Variants in PCDHGA3 observed in about 807,000 individuals in gnomAD.
PCDHGA3 encodes protocadherin gamma subfamily A, 3, also known as protocadherin gamma-A3.
In PCDHGA3, 40 loss-of-function variants were observed where a neutral mutation model predicts 58.5. That is an observed-to-expected ratio of 0.68 (90% CI 0.53 to 0.89). The LOEUF (loss-of-function observed/expected upper bound fraction) is 0.89. Ranked by LOEUF, PCDHGA3 falls within the 40% of genes least tolerant of loss-of-function variation. The pLI, the probability that PCDHGA3 is intolerant of heterozygous loss-of-function variation, is 0.00. For synonymous variants in PCDHGA3, 530 were observed against 525.7 expected, an observed-to-expected ratio of 1.01 and a Z score of -0.11; for missense variants, 1,223 against 1,195.9, an observed-to-expected ratio of 1.02 and a Z score of -0.33.
At chr5:141,393,224 T>C in intron 1 of PCDHGA3, 1 of 1,613,670 alleles carries the variant, frequency 6.2e-7, no homozygotes, top group South Asian at 1.1e-5. Flanking sequence ...AGGTCGAAGA[T>C]CTAGAAGTAA....
At chr5:141,415,739 G>GTT (rs1561759437) in intron 1 of PCDHGA3, 11 of 435,132 alleles carry the variant, frequency 2.5e-5, no homozygotes, top group African/African-American at 1.6e-4. Flanking sequence ...TGTTTATTAA[G>GTT]GTTTTTTTTT....
chr5:141,384,186 TC>T (rs1369721575), intron 1 of PCDHGA3: 3 of 1,613,730 alleles, frequency 1.9e-6, no homozygotes, highest in Admixed American at 1.7e-5. Flanking sequence ...ATGGTGGAAC[TC>T]CTCCCTTGTC....
At chr5:141,419,762 A>G in intron 1 of PCDHGA3, 1 of 1,614,008 alleles carries the variant, frequency 6.2e-7, no homozygotes, top group Non-Finnish European at 8.5e-7. Context: ...TTTGGGTGAC[A>G]AGGACTCGGT....
intron 1 of PCDHGA3, among the ~76,000 whole-genome samples, chr5:141,407,049 C>T (rs1483952329): frequency 6.6e-6 from 1 of 152,162 alleles, no homozygotes. Context: ...TCCATAGATA[C>T]ACTGATGACT....
At chr5:141,420,029 G>T (rs1382842280) in intron 1 of PCDHGA3, 2 of 1,614,082 alleles carry the variant, frequency 1.2e-6, no homozygotes, top group Non-Finnish European at 1.7e-6. Flanking sequence ...CCCTACTGCA[G>T]GAGACTGCTT....
At chr5:141,460,488 T>C (rs1226287742) in intron 1 of PCDHGA3, among the ~76,000 whole-genome samples, 1 of 152,186 alleles carries the variant, frequency 6.6e-6, no homozygotes, top group Admixed American at 6.6e-5. Flanking sequence ...ATTGTCTCTT[T>C]GGAAAAATAT....
chr5:141,470,147 T>A (rs1394329530), intron 1 of PCDHGA3, among the ~76,000 whole-genome samples: 1 of 152,172 alleles, frequency 6.6e-6, no homozygotes. Context: ...AGATCATAGA[T>A]CATCTTATCA....
intron 1 of PCDHGA3, among the ~76,000 whole-genome samples, chr5:141,459,812 A>G (rs1390780491): frequency 1.3e-5 from 2 of 152,232 alleles, no homozygotes; most frequent in South Asian, 2.1e-4. Context: ...GACTAGAGAC[A>G]CTGAGCAACT....
At chr5:141,392,505 T>G (rs1271878225) in intron 1 of PCDHGA3, 1 of 227,850 alleles carries the variant, frequency 4.4e-6, no homozygotes, top group African/African-American at 2.3e-5. Flanking sequence ...ATGATTTTTT[T>G]TTCTCAGTAA....
chr5:141,426,998 A>C (rs981827933), intron 1 of PCDHGA3: 8 of 456,664 alleles, frequency 1.8e-5, no homozygotes, highest in African/African-American at 1.6e-4. Flanking sequence ...ATAATGCCCC[A>C]GTTTTTAGCC....
intron 1 of PCDHGA3, among the ~76,000 whole-genome samples, chr5:141,455,732 A>G (rs1056074268): frequency 6.6e-6 from 1 of 152,190 alleles, no homozygotes; most frequent in Non-Finnish European, 1.5e-5. Context: ...CTGCATTTGC[A>G]TATCAAAGGT....
rs369793035 is a variant in PCDHGA3, at chr5:141,408,762, A to T, written c.2424+62305A>T. 57 of 1,610,942 alleles carry T rather than the reference A, an allele frequency of 3.5e-5. No homozygotes were observed. The highest frequency in any genetic ancestry group is 4.6e-5 in the Non-Finnish European group (54 of 1,178,454). On this transcript the variant is annotated intron_variant, in intron 1 of 3. Transcript: ENST00000253812. ...TCATTAATGGTTAGAGTTAATTCCG[A>T]TGGTGGCAAATACCCAGAGTTATCT...
At chr5:141,427,776 G>T (rs3828681) in intron 1 of PCDHGA3, 8 of 1,424,704 alleles carry the variant, frequency 5.6e-6, no homozygotes, top group Non-Finnish European at 9.8e-7. Context: ...GGAGCTGCGG[G>T]CACTGTCGTC....
Position 141,491,531 on chromosome 5 carries a change from T to G in PCDHGA3, c.2425-3276T>G, listed in dbSNP as rs532897059. On this transcript the variant is annotated intron_variant, in intron 1 of 3. Coordinates refer to ENST00000253812, the MANE Select transcript of PCDHGA3 (RefSeq NM_018916.4). This position sits in a 1 kb window ranked among gnomAD's most constrained non-coding sequence, Gnocchi z 6.9. ...ACGCTCAAGTACATGGAGGTGACGC[T>G]GCGGCCCACAGACTCGCAGAGCCAC... The G allele has an allele frequency of 6.2e-7, 1 of 1,614,044 alleles. No homozygotes were observed. The highest frequency in any genetic ancestry group is 1.7e-5 in the Admixed American group (1 of 60,028).
intron 1 of PCDHGA3, chr5:141,418,727 C>T: frequency 6.2e-7 from 1 of 1,613,976 alleles, no homozygotes; most frequent in Non-Finnish European, 8.5e-7. Flanking sequence ...CAAAGCTCAG[C>T]ACGTGTTCTC....
At position 141,494,824 on chromosome 5, in the gene PCDHGA3, G is replaced by C; in HGVS notation, c.2442G>C (p.Thr814=). 6.2e-7 allele frequency: 1 copy of C among 1,614,042 alleles called. No individual in the cohort carries two copies. Among genetic ancestry groups the C allele is most frequent in the East Asian group, 2.2e-5 (1 of 44,866 alleles). The change falls in exon 2 of 4, where the codon ACG becomes ACC. Residue 814 remains threonine, a synonymous_variant. Transcript: ENST00000253812. The part of the protein sequence containing the change: ...SNLLQQAPPN[T]DWRFSQAQRP... ...CTCCACAGCAAGCCCCGCCCAACAC[G>C]GACTGGCGTTTCTCTCAGGCCCAGA...
At position 141,476,418 on chromosome 5, in the gene PCDHGA3, T is replaced by C. The variant is rs201255025; in HGVS notation, c.2425-18389T>C. On this transcript the variant is annotated intron_variant, in intron 1 of 3. Transcript: ENST00000253812. This position sits in a 1 kb window ranked among gnomAD's most constrained non-coding sequence, Gnocchi z 7.6. The stretch of plus-strand genomic sequence containing the variant: ...GATCGAGAGGAGCTGTGTGGGACAC[T>C]GCCCTCTTGCACTGTAACTCTGGAG... 6.2e-7 allele frequency: 1 copy of C among 1,614,122 alleles called. No individual in the cohort carries two copies. Among genetic ancestry groups the C allele is most frequent in the Non-Finnish European group, 8.5e-7 (1 of 1,180,002 alleles).
At chr5:141,419,728 A>T (rs2096421858) in intron 1 of PCDHGA3, 1 of 1,613,466 alleles carries the variant, frequency 6.2e-7, no homozygotes. Flanking sequence ...GGCTGCGAAC[A>T]GGCGAGGTGC....
chr5:141,364,326 A>G, intron 1 of PCDHGA3: 1 of 1,528,198 alleles, frequency 6.5e-7, no homozygotes, highest in Non-Finnish European at 8.8e-7. Context: ...GGCAGAGAGA[A>G]GGCAATGGCG....
Sources: gnomAD v4.1 joint callset for allele counts (sites outside exome capture counted in the v4.1 genomes callset) on GRCh38, gnomAD v4.1.1 for gene constraint, Gnocchi (gnomAD v3.1) non-coding constraint, MANE v1.5 for transcripts, NCBI Gene and HGNC (gene_info 2026-07-23, HGNC 2026-07-21) for gene names.